The following CLCN4 variants were observed in gnomAD, a reference collection of about 807,000 sequenced individuals.
CLCN4 encodes the protein H(+)/Cl(-) exchange transporter 4.
Under a neutral mutation model 41.7 loss-of-function variants are expected in CLCN4, and 1 was observed. The observed-to-expected ratio is 0.02, with a 90% confidence interval of 0.01 to 0.11. The LOEUF (loss-of-function observed/expected upper bound fraction) is 0.11, where lower values mean the gene tolerates loss of function less well. Ranked by LOEUF, CLCN4 falls within the 10% of genes least tolerant of loss-of-function variation. CLCN4 has a pLI of 1.00. For synonymous variants in CLCN4, 277 were observed against 285.8 expected, an observed-to-expected ratio of 0.97 and a Z score of 0.31; for missense variants, 287 against 661.0, an observed-to-expected ratio of 0.43 and a Z score of 6.20.
chrX:10,231,860 G>A (rs141757375), intron 12 of CLCN4, among the ~76,000 whole-genome samples: 1 of 111,689 alleles, frequency 9.0e-6, no homozygotes, highest in Non-Finnish European at 1.9e-5. Context: ...GCAACCATTC[G>A]CCCAGTGATT....
intron 5 of CLCN4, among the ~76,000 whole-genome samples, chrX:10,197,707 G>A (rs1426930599): frequency 9.0e-6 from 1 of 111,650 alleles, no homozygotes; most frequent in Admixed American, 9.5e-5. Context: ...TGTAGAAGGC[G>A]CGTGTAAACA....
At chrX:10,188,260 A>G (rs762285397) in intron 4 of CLCN4, among the ~76,000 whole-genome samples, 1 of 112,662 alleles carries the variant, frequency 8.9e-6, no homozygotes. Context: ...GTAGATGACA[A>G]CAAAATCAGG....
chrX:10,177,453 CT>C (rs1049150318), intron 2 of CLCN4, among the ~76,000 whole-genome samples: 4 of 112,062 alleles, frequency 3.6e-5, no homozygotes, highest in African/African-American at 1.3e-4. Context: ...GATTTCATTT[CT>C]TTAAAGTTCA....
chrX:10,209,383 C>CCTTCT (rs1202702110), intron 9 of CLCN4, among the ~76,000 whole-genome samples: 1 of 103,292 alleles, frequency 9.7e-6, no homozygotes, highest in Admixed American at 1.1e-4. Flanking sequence ...TTCCCCCTTC[C>CCTTCT]CTTCCTTTCG....
chrX:10,167,840 G>T lies in CLCN4; in HGVS notation c.-12+9289G>T, dbSNP rs756303147. 2.7e-5 allele frequency among the ~76,000 whole-genome samples: 3 copies of T among 112,637 alleles called. No individual in the cohort carries two copies. In the South Asian group the frequency reaches 1.1e-3, roughly 41 times the overall value. ...ACCGTGTGAATGGTCAGTGTAAATGGTAATTAGTGATGCAGCTTCAGATAA... is the reference window on the plus strand; with the variant it reads ...ACCGTGTGAATGGTCAGTGTAAATGTTAATTAGTGATGCAGCTTCAGATAA... On this transcript the variant is annotated intron_variant, in intron 2 of 12. Coordinates refer to ENST00000380833, the MANE Select transcript of CLCN4 (RefSeq NM_001830.4).
At chrX:10,164,826 C>T (rs1386535566) in intron 2 of CLCN4, among the ~76,000 whole-genome samples, 2 of 112,335 alleles carry the variant, frequency 1.8e-5, no homozygotes, top group Non-Finnish European at 3.8e-5. Context: ...CATGCACATT[C>T]CCACATGACA....
At chrX:10,196,552 T>G (rs1344425730) in intron 5 of CLCN4, among the ~76,000 whole-genome samples, 1 of 107,613 alleles carries the variant, frequency 9.3e-6, no homozygotes, top group Non-Finnish European at 1.9e-5. Flanking sequence ...TTTTTTTTTT[T>G]TTTGCCTGAC....
Position 10,220,913 on chromosome X carries a change from G to A in CLCN4, c.2192+36G>A, listed in dbSNP as rs200158235. The A allele has an allele frequency of 3.6e-6, 4 of 1,118,642 alleles. No individual in the cohort carries two copies. The African/African-American group carries it at 7.2e-5, about 20-fold the overall frequency. 92.2% of individuals were successfully genotyped at this position (1,118,642 alleles called of 1,213,427 possible). A position where few individuals can be genotyped will look rare whatever the true frequency, so the allele number is the denominator to read the frequency against. The stretch of plus-strand genomic sequence containing the variant: ...GGACATGTGGCCAGAATGACCTAGG[G>A]AGAAAAAGATGAGTGAGACATGGTC... On this transcript the variant is annotated intron_variant, in intron 12 of 12. Transcript: ENST00000380833.
chrX:10,193,026 T>G (rs777322209), intron 4 of CLCN4, among the ~76,000 whole-genome samples: 1 of 111,937 alleles, frequency 8.9e-6, no homozygotes, highest in African/African-American at 3.3e-5. Context: ...GGTGGTGGAC[T>G]GAAGTGGAGA....
In CLCN4 at chrX:10,236,927, CAT is replaced by C. The variant is rs1361081051; in HGVS notation, c.*3344_*3345del. On this transcript the variant is annotated 3_prime_UTR_variant, in exon 13 of 13. Transcript: ENST00000380833. ...CCAAATAAGGGCACCCTGGAAGTGA[CAT>C]GTGTGTTTCTTCTAAGTCGTTTTTA... is the stretch of plus-strand genomic sequence containing the variant. 3.6e-5 allele frequency: 4 copies of C among 111,874 alleles called. No homozygotes were observed. The highest frequency in any genetic ancestry group is 1.3e-4 in the African/African-American group (4 of 30,718). The allele number at this position is 111,874 out of a possible 1,213,427, so 9.2% of individuals were successfully genotyped here.
chrX:10,207,516 T>A (rs1309683743), intron 8 of CLCN4, among the ~76,000 whole-genome samples: 1 of 112,517 alleles, frequency 8.9e-6, no homozygotes, highest in Non-Finnish European at 1.9e-5. Flanking sequence ...TTTCCATAGA[T>A]GTTTCCTTAT....
chrX:10,184,874 A>G, intron 2 of CLCN4, 148 bp from the exon 3 acceptor site: 1 of 408,541 alleles, frequency 2.4e-6, no homozygotes, highest in Non-Finnish European at 4.2e-6. Context: ...GAATAATGAT[A>G]ATTGACTGTG....
chrX:10,168,171 A>G (rs1174480257), intron 2 of CLCN4, among the ~76,000 whole-genome samples: 1 of 112,407 alleles, frequency 8.9e-6, no homozygotes, highest in Non-Finnish European at 1.9e-5. Context: ...ATGAAAATGT[A>G]TATCCTGTGT....
chrX:10,222,334 T>C (rs1280604749), intron 12 of CLCN4, among the ~76,000 whole-genome samples: 1 of 111,961 alleles, frequency 8.9e-6, no homozygotes, highest in Non-Finnish European at 1.9e-5. Context: ...CCTAGGGTTA[T>C]CTGCCCATTT....
At chrX:10,175,718 T>C (rs769084288) in intron 2 of CLCN4, among the ~76,000 whole-genome samples, 1 of 111,950 alleles carries the variant, frequency 8.9e-6, no homozygotes, top group South Asian at 3.8e-4. Flanking sequence ...TACAGGTAAC[T>C]GTGATGATCT....
intron 12 of CLCN4, 22 bp downstream of exon 12, chrX:10,220,899 C>G (rs780849691): frequency 8.7e-7 from 1 of 1,152,875 alleles, no homozygotes; most frequent in South Asian, 1.8e-5. Flanking sequence ...GACATGTGGC[C>G]AGAATGACCT....
intron 2 of CLCN4, among the ~76,000 whole-genome samples, chrX:10,165,742 T>C (rs925116339): frequency 8.9e-6 from 1 of 112,298 alleles, no homozygotes; most frequent in African/African-American, 3.2e-5. Context: ...GAGGTGCTGG[T>C]TGGGTGAAAA....
In CLCN4 at chrX:10,206,451, T is replaced by G; in HGVS notation, c.649T>G (p.Ser217Ala). 1.7e-6 allele frequency: 2 copies of G among 1,210,385 alleles called. No homozygotes were observed. The highest frequency in any genetic ancestry group is 2.2e-6 in the Non-Finnish European group (2 of 894,853). Reference protein sequence around the residue: ...KTVTLVLVVSSGLSLGKEGPL... With the variant: ...KTVTLVLVVSAGLSLGKEGPL... Reference sequence around the variant, plus strand: ...AGTCACGCTGGTGCTGGTAGTGTCCTCCGGTCTGAGCCTTGGGAAGGAAGG... The same window carrying G: ...AGTCACGCTGGTGCTGGTAGTGTCCGCCGGTCTGAGCCTTGGGAAGGAAGG... The change falls in exon 7 of 13, where the codon TCC becomes GCC. Residue 217 changes from serine (S) to alanine (A), a missense_variant. Coordinates refer to ENST00000380833, the MANE Select transcript of CLCN4 (RefSeq NM_001830.4).
intron 2 of CLCN4, among the ~76,000 whole-genome samples, chrX:10,168,504 A>T (rs1923304521): frequency 1.8e-5 from 2 of 112,423 alleles, no homozygotes; most frequent in South Asian, 7.3e-4. Context: ...GAAAAGAGAA[A>T]GTATTTCACG....
Sources: allele counts gnomAD v4.1 joint callset (sites outside exome capture counted in the v4.1 genomes callset), GRCh38; gene constraint gnomAD v4.1.1; transcripts MANE v1.5; gene names NCBI Gene and HGNC (gene_info 2026-07-23, HGNC 2026-07-21).